CCNY: variants seen among roughly 807,000 people sequenced by gnomAD.
CCNY encodes cyclin Y.
A neutral mutation model predicts 42.8 loss-of-function variants in CCNY; 19 were observed. The ratio of observed to expected loss-of-function variants is 0.44; its 90% CI spans 0.31 to 0.65. CCNY has a LOEUF of 0.65. CCNY is among the 30% of genes least tolerant of loss of function. The pLI, the probability that CCNY is intolerant of heterozygous loss-of-function variation, is 0.07. For missense variants in CCNY, 370 were observed against 437.3 expected (o/e 0.85, Z 1.37); for synonymous variants, 165 against 162.7 (o/e 1.01, Z -0.11).
chr10:35,388,812 A>G (rs1837349641), intron 1 of CCNY, among the ~76,000 whole-genome samples: 1 of 152,124 alleles, frequency 6.6e-6, no homozygotes, highest in African/African-American at 2.4e-5. Flanking sequence ...GGTCCTCTGG[A>G]GGCTCTCAGG....
intron 1 of CCNY, among the ~76,000 whole-genome samples, chr10:35,444,139 T>C (rs1261907113): frequency 6.8e-6 from 1 of 147,204 alleles, no homozygotes; most frequent in Non-Finnish European, 1.5e-5. Context: ...TTGAAGGGCT[T>C]TAGAGGTGAC....
intron 7 of CCNY, among the ~76,000 whole-genome samples, chr10:35,534,504 C>A (rs2135428221): frequency 6.6e-6 from 1 of 152,256 alleles, no homozygotes; most frequent in Middle Eastern, 3.4e-3. Context: ...GAAGGGGAAC[C>A]AAGAAGAGAT....
rs992624976 is a variant in CCNY, at chr10:35,551,164, T to C, written c.580-1855T>C. Reference sequence around the variant, plus strand: ...CGTTGGGTCCCCTTTACAGGCCTTGTGCATTCGCATCCCGTAAGAGACCTC... The same window carrying C: ...CGTTGGGTCCCCTTTACAGGCCTTGCGCATTCGCATCCCGTAAGAGACCTC... On this transcript the variant is annotated intron_variant, in intron 7 of 9. Coordinates refer to ENST00000374704, the MANE Select transcript of CCNY (RefSeq NM_145012.6). Among the ~76,000 whole-genome samples, 13 of 152,334 alleles carry C rather than the reference T, an allele frequency of 8.5e-5. No homozygotes were observed. The South Asian group carries it at 2.1e-3, about 24-fold the overall frequency.
intron 1 of CCNY, among the ~76,000 whole-genome samples, chr10:35,410,439 C>T (rs538338109): frequency 1.3e-5 from 2 of 152,090 alleles, no homozygotes; most frequent in Non-Finnish European, 2.9e-5. Context: ...AGAACTAACA[C>T]ATGTGATCAC....
At chr10:35,494,128 G>T (rs7902346) in intron 2 of CCNY, among the ~76,000 whole-genome samples, 1 of 151,342 alleles carries the variant, frequency 6.6e-6, no homozygotes, top group African/African-American at 2.4e-5. Flanking sequence ...GTTGCTTCCA[G>T]GTTAGGCACA....
At chr10:35,415,623 C>T (rs1183295165) in intron 1 of CCNY, among the ~76,000 whole-genome samples, 2 of 152,220 alleles carry the variant, frequency 1.3e-5, no homozygotes, top group Non-Finnish European at 2.9e-5. Flanking sequence ...TTGTTGCTCA[C>T]ATCTGTCTCC....
chr10:35,443,857 TCTC>T (rs1273576130), intron 1 of CCNY, among the ~76,000 whole-genome samples: 1 of 152,136 alleles, frequency 6.6e-6, no homozygotes, highest in Middle Eastern at 3.2e-3. Context: ...TTTCCTTTGT[TCTC>T]CTCTATGTAT....
chr10:35,396,796 C>T (rs535000518), intron 1 of CCNY, among the ~76,000 whole-genome samples: 11 of 152,324 alleles, frequency 7.2e-5, no homozygotes, highest in African/African-American at 1.7e-4. Context: ...CAGTCCTCTT[C>T]GTGCTCTCCC....
intron 2 of CCNY, among the ~76,000 whole-genome samples, chr10:35,485,464 G>A (rs991445404): frequency 6.6e-6 from 1 of 152,178 alleles, no homozygotes; most frequent in Admixed American, 6.5e-5. Flanking sequence ...GGTGGCTCAC[G>A]CCTGTAATCC....
intron 3 of CCNY, among the ~76,000 whole-genome samples, chr10:35,274,720 G>A (rs1438421668): frequency 6.6e-6 from 1 of 152,142 alleles, no homozygotes; most frequent in Non-Finnish European, 1.5e-5. Flanking sequence ...AGACTGAAAT[G>A]TATACTGTTT....
chr10:35,472,191 G>A (rs1207655951), intron 1 of CCNY, among the ~76,000 whole-genome samples: 3 of 152,184 alleles, frequency 2.0e-5, no homozygotes, highest in African/African-American at 7.2e-5. Context: ...CGTCATAGCA[G>A]TTCTCGAAGC....
chr10:35,399,333 G>A (rs1271184427), intron 1 of CCNY, among the ~76,000 whole-genome samples: 2 of 6,792 alleles, frequency 2.9e-4, no homozygotes, highest in Non-Finnish European at 8.2e-4. Context: ...GCTTATCCAT[G>A]TTTGAGGTTA....
At chr10:35,550,188 A>G (rs1273849597) in intron 7 of CCNY, among the ~76,000 whole-genome samples, 26 of 113,726 alleles carry the variant, frequency 2.3e-4, no homozygotes, top group African/African-American at 6.7e-4. Flanking sequence ...GCTGCTCATG[A>G]CACATGACCC....
At chr10:35,371,278 T>TACAATGTATCAA (rs1836931157) in intron 1 of CCNY, among the ~76,000 whole-genome samples, 1 of 152,232 alleles carries the variant, frequency 6.6e-6, no homozygotes, top group African/African-American at 2.4e-5. Context: ...TGATACTTCT[T>TACAATGTATCAA]TGTTATTTAA....
At chr10:35,352,670 T>A (rs1267956740) in intron 1 of CCNY, among the ~76,000 whole-genome samples, 3 of 152,226 alleles carry the variant, frequency 2.0e-5, no homozygotes, top group Non-Finnish European at 4.4e-5. Flanking sequence ...CTTAAGGACA[T>A]AATGATCTAT....
intron 3 of CCNY, among the ~76,000 whole-genome samples, chr10:35,309,824 G>C (rs2135084122): frequency 6.6e-6 from 1 of 152,074 alleles, no homozygotes; most frequent in African/African-American, 2.4e-5. Context: ...TTTAGAGACA[G>C]AGTCTCGCTC....
At chr10:35,549,050 T>A (rs896956910) in intron 7 of CCNY, among the ~76,000 whole-genome samples, 2 of 152,008 alleles carry the variant, frequency 1.3e-5, no homozygotes, top group Admixed American at 6.5e-5. Context: ...TCATGGATGT[T>A]TTCATTCAGC....
chr10:35,460,451 T>TAC (rs57760757), intron 1 of CCNY, among the ~76,000 whole-genome samples: 3,163 of 150,538 alleles, frequency 0.021, 47 homozygotes, highest in African/African-American at 0.039. Context: ...ATTGTATATG[T>TAC]ACACACACAC....
chr10:35,470,659 A>G (rs16936053), intron 1 of CCNY, among the ~76,000 whole-genome samples: 42,788 of 152,216 alleles, frequency 0.28, 6,261 homozygotes, highest in East Asian at 0.35. Context: ...CCAGAACTGC[A>G]GTAGCAGCAC....
Sources: gnomAD v4.1 joint callset for allele counts (sites outside exome capture counted in the v4.1 genomes callset) on GRCh38, gnomAD v4.1.1 for gene constraint, MANE v1.5 for transcripts, NCBI Gene and HGNC (gene_info 2026-07-23, HGNC 2026-07-21) for gene names.